The following WWP2 variants were observed in gnomAD, a reference collection of about 807,000 sequenced individuals.
The protein encoded by WWP2 is NEDD4-like E3 ubiquitin-protein ligase WWP2.
Under a neutral mutation model 121.0 loss-of-function variants are expected in WWP2, and 57 were observed. That is an observed-to-expected ratio of 0.47 (90% CI 0.38 to 0.59). WWP2 has a LOEUF of 0.59. Ranked by LOEUF, WWP2 falls within the 20% of genes least tolerant of loss-of-function variation. WWP2 has a pLI of 0.00. For missense variants in WWP2, 962 were observed against 1,158.9 expected (o/e 0.83, Z 2.47); for synonymous variants, 449 against 441.3 (o/e 1.02, Z -0.22).
intron 4 of WWP2, among the ~76,000 whole-genome samples, chr16:69,829,409 A>G (rs779928691): frequency 1.1e-4 from 17 of 152,192 alleles, no homozygotes; most frequent in Non-Finnish European, 2.4e-4. Context: ...GCATGTCACA[A>G]GGCATTGCAA....
intron 6 of WWP2, among the ~76,000 whole-genome samples, chr16:69,863,570 G>T (rs913886641): frequency 6.6e-6 from 1 of 152,146 alleles, no homozygotes; most frequent in African/African-American, 2.4e-5. Context: ...ACCTGGTGGG[G>T]GCAGAGGTTG....
chr16:69,803,307 T>C (rs1017866454), intron 4 of WWP2, among the ~76,000 whole-genome samples: 13 of 151,536 alleles, frequency 8.6e-5, no homozygotes, highest in Admixed American at 7.3e-4. Context: ...AAACAGGACA[T>C]TTTCTTTATT....
At chr16:69,926,508 T>G (rs865946256) in intron 11 of WWP2, among the ~76,000 whole-genome samples, 4 of 152,160 alleles carry the variant, frequency 2.6e-5, no homozygotes, top group Admixed American at 1.3e-4. Flanking sequence ...CATGCAGGTT[T>G]GGAGCTGGAT....
At chr16:69,779,245 G>A (rs748724347) in intron 1 of WWP2, among the ~76,000 whole-genome samples, 4 of 152,150 alleles carry the variant, frequency 2.6e-5, no homozygotes, top group Admixed American at 6.5e-5. Context: ...GCCACTGTGC[G>A]TGGCCCCGGC....
At chr16:69,939,533 G>A (rs1597196219) in intron 23 of WWP2, 120 bp downstream of exon 23, 1 of 1,037,012 alleles carries the variant, frequency 9.6e-7, no homozygotes, top group South Asian at 1.5e-5. Flanking sequence ...GTGGCCCTGG[G>A]GTGTTGGGTT....
intron 18 of WWP2, 73 bp from the exon 19 acceptor site, chr16:69,936,239 G>C (rs560096453): frequency 1.8e-5 from 29 of 1,597,100 alleles, no homozygotes; most frequent in Non-Finnish European, 2.5e-5. Context: ...GGTGTCCCAC[G>C]GGCAACAGAG....
rs3180763 is a variant in WWP2 at position 69,909,114 on chromosome 16, C to T, written c.1004+264C>T. ...TTGATGCATTCCGCCGTACCCTATGCCCAGCCTGTCCCTAAAGGCAGAGTG... is the reference window on the plus strand; with the variant it reads ...TTGATGCATTCCGCCGTACCCTATGTCCAGCCTGTCCCTAAAGGCAGAGTG... On this transcript the variant is annotated intron_variant, in intron 9 of 23. Transcript: ENST00000359154. 5,212 of 1,148,662 alleles carry T rather than the reference C, an allele frequency of 4.5e-3. 24 individuals carry two copies. The highest frequency in any genetic ancestry group is 0.013 in the South Asian group (396 of 30,174). 71.2% of individuals were successfully genotyped at this position (1,148,662 alleles called of 1,614,324 possible). A position where few individuals can be genotyped will look rare whatever the true frequency, so the allele number is the denominator to read the frequency against.
intron 4 of WWP2, among the ~76,000 whole-genome samples, chr16:69,835,449 A>T (rs1164682506): frequency 2.0e-5 from 3 of 152,194 alleles, no homozygotes; most frequent in Non-Finnish European, 4.4e-5. Context: ...TTAATTTTTT[A>T]AATAACCTTG....
At chr16:69,769,754 G>C (rs1597635823) in intron 1 of WWP2, among the ~76,000 whole-genome samples, 2 of 152,218 alleles carry the variant, frequency 1.3e-5, no homozygotes, top group African/African-American at 4.8e-5. Context: ...TCATTTCACA[G>C]ATGAGAAAAC....
intron 11 of WWP2, among the ~76,000 whole-genome samples, chr16:69,926,577 G>A (rs958764896): frequency 6.6e-6 from 1 of 152,180 alleles, no homozygotes; most frequent in African/African-American, 2.4e-5. Flanking sequence ...TGTCAACCCT[G>A]TTATACCTGC....
chr16:69,925,405 G>A lies in WWP2; in HGVS notation c.1180-25G>A. The A allele has an allele frequency of 1.2e-6, 2 of 1,611,900 alleles. No individual in the cohort carries two copies. The highest frequency in any genetic ancestry group is 1.7e-6 in the Non-Finnish European group (2 of 1,179,338). On this transcript the variant is annotated intron_variant, in intron 10 of 23. Coordinates refer to ENST00000359154, the MANE Select transcript of WWP2 (RefSeq NM_001270454.2). The surrounding 1 kb of genome is among the most constrained non-coding windows in gnomAD (Gnocchi z 4.0). ...ACCAGTGGCTTTTTGTAACCTCTGT[G>A]TTCTGCTGTGTTTCTTGTGTTTAGT...
At chr16:69,818,661 C>T (rs770645209) in intron 4 of WWP2, among the ~76,000 whole-genome samples, 1 of 152,120 alleles carries the variant, frequency 6.6e-6, no homozygotes, top group Non-Finnish European at 1.5e-5. Flanking sequence ...ATGAATCGAT[C>T]CTTCCTGCTT....
intron 1 of WWP2, among the ~76,000 whole-genome samples, chr16:69,768,508 C>T (rs981882220): frequency 2.0e-5 from 3 of 151,842 alleles, no homozygotes; most frequent in Admixed American, 1.3e-4. Flanking sequence ...TACTTGGGAG[C>T]CTGAGGCAGG....
chr16:69,870,447 T>C (rs1042829819), intron 6 of WWP2, among the ~76,000 whole-genome samples: 5 of 152,088 alleles, frequency 3.3e-5, no homozygotes, highest in Admixed American at 3.3e-4. Context: ...ACTACAGGCA[T>C]GCACCGGTAG....
intron 9 of WWP2, among the ~76,000 whole-genome samples, chr16:69,911,687 A>G (rs188350200): frequency 6.6e-6 from 1 of 152,342 alleles, no homozygotes; most frequent in East Asian, 1.9e-4. Context: ...GAAATTCACC[A>G]CAGCAGAGTA....
chr16:69,887,149 G>A (rs1433552506), intron 7 of WWP2, among the ~76,000 whole-genome samples: 1 of 152,108 alleles, frequency 6.6e-6, no homozygotes, highest in African/African-American at 2.4e-5. Flanking sequence ...GGGAGACTTG[G>A]GGACTAGTGT....
intron 7 of WWP2, among the ~76,000 whole-genome samples, chr16:69,876,675 T>G (rs570391590): frequency 6.6e-6 from 1 of 152,328 alleles, no homozygotes; most frequent in African/African-American, 2.4e-5. Flanking sequence ...TAAAATGTAT[T>G]TCTTAAATAG....
In WWP2 at chr16:69,798,841, C is replaced by T. The variant is rs1186530570; in HGVS notation, c.218+12C>T. ...GAGATCATCATTTTGTAAGAGAAAG[C>T]CCCTTCTTTTTGAACGCAGCAAGAT... On this transcript the variant is annotated intron_variant, in intron 3 of 23. Coordinates refer to ENST00000359154, the MANE Select transcript of WWP2 (RefSeq NM_001270454.2). 1 of 1,613,078 alleles carries T rather than the reference C, an allele frequency of 6.2e-7. No individual in the cohort carries two copies. The highest frequency in any genetic ancestry group is 1.7e-5 in the Admixed American group (1 of 59,882).
chr16:69,784,749 T>C (rs377611927), intron 1 of WWP2, among the ~76,000 whole-genome samples: 1 of 152,106 alleles, frequency 6.6e-6, no homozygotes, highest in South Asian at 2.1e-4. Context: ...GTTGTTTGAA[T>C]TGAGAGCTGA....
Sources: gnomAD v4.1 joint callset for allele counts (sites outside exome capture counted in the v4.1 genomes callset) on GRCh38, gnomAD v4.1.1 for gene constraint, Gnocchi (gnomAD v3.1) non-coding constraint, MANE v1.5 for transcripts, NCBI Gene and HGNC (gene_info 2026-07-23, HGNC 2026-07-21) for gene names.